Variants in SLC33A1 observed in about 807,000 individuals in gnomAD.
SLC33A1 encodes acetyl-coenzyme A transporter 1.
SLC33A1 carries 20 observed loss-of-function variants against 50.0 expected under a neutral mutation model. The ratio of observed to expected loss-of-function variants is 0.40; its 90% CI spans 0.28 to 0.58. The LOEUF is 0.58. Ranked by LOEUF, SLC33A1 falls within the 20% of genes least tolerant of loss-of-function variation. The pLI is 0.44. For missense variants in SLC33A1, 476 were observed against 657.0 expected, an observed-to-expected ratio of 0.72 and a Z score of 3.01; for synonymous variants, 265 against 251.8, an observed-to-expected ratio of 1.05 and a Z score of -0.50.
chr3:155,840,990 A>AT (rs548494179), intron 2 of SLC33A1, among the ~76,000 whole-genome samples: 3,943 of 151,322 alleles, frequency 0.026, 173 homozygotes, highest in African/African-American at 0.089. Context: ...TCTCAAAAAA[A>AT]ATATATATAT....
rs1409402349 is a variant in SLC33A1, at chr3:155,825,348, T to G, written c.*2862A>C. The G allele has an allele frequency of 6.6e-6, 1 of 150,806 alleles. No individual in the cohort carries two copies. Among genetic ancestry groups the G allele is most frequent in the Non-Finnish European group, 1.5e-5 (1 of 67,794 alleles). The allele number at this position is 150,806 out of a possible 1,614,324, so 9.3% of individuals were successfully genotyped here. On this transcript the variant is annotated 3_prime_UTR_variant, in exon 6 of 6. Transcript: ENST00000643144. ...AAAAAAAAGAAGTCATAAAGACAGG[T>G]TCTTATTATATTGACCAGGTTGGTC...
At chr3:155,852,621 C>A (rs926298363) in intron 1 of SLC33A1, among the ~76,000 whole-genome samples, 16 of 152,196 alleles carry the variant, frequency 1.1e-4, no homozygotes, top group Admixed American at 3.9e-4. Context: ...TATTCAAGAA[C>A]AAAGTCAAAT....
chr3:155,827,456 C>T lies in SLC33A1; in HGVS notation c.*754G>A, dbSNP rs1373569087. The T allele has an allele frequency of 2.0e-5, 3 of 152,012 alleles. No individual in the cohort carries two copies. The highest frequency in any genetic ancestry group is 2.9e-5 in the Non-Finnish European group (2 of 68,022). The allele number at this position is 152,012 out of a possible 1,614,324, so 9.4% of individuals were successfully genotyped here. ...ACTTGTGACAGAAAACATATATAAGCTTAGGGTAAAAGTTTATAAGGAATC... is the reference window on the plus strand; with the variant it reads ...ACTTGTGACAGAAAACATATATAAGTTTAGGGTAAAAGTTTATAAGGAATC... On this transcript the variant is annotated 3_prime_UTR_variant, in exon 6 of 6. Transcript: ENST00000643144.
At chr3:155,846,778 T>C (rs894564827) in intron 1 of SLC33A1, among the ~76,000 whole-genome samples, 1 of 151,960 alleles carries the variant, frequency 6.6e-6, no homozygotes, top group African/African-American at 2.4e-5. Flanking sequence ...ACTGACTACT[T>C]GTATTCCCCC....
Position 155,824,570 on chromosome 3 carries a change from C to T in SLC33A1, c.*3640G>A, listed in dbSNP as rs983072251. ...AAGTTTCAAGTTCAATACAGTATAA[C>T]ATATGCAGAGATTTTATAGTTTTTA... On this transcript the variant is annotated 3_prime_UTR_variant, in exon 6 of 6. Coordinates refer to ENST00000643144, the MANE Select transcript of SLC33A1 (RefSeq NM_004733.4). 1 of 151,972 alleles carries T rather than the reference C, an allele frequency of 6.6e-6. No individual in the cohort carries two copies. Among genetic ancestry groups the T allele is most frequent in the Non-Finnish European group, 1.5e-5 (1 of 67,988 alleles). 9.4% of individuals were successfully genotyped at this position (151,972 alleles called of 1,614,324 possible). A position where few individuals can be genotyped will look rare whatever the true frequency, so the allele number is the denominator to read the frequency against.
Position 155,854,061 on chromosome 3 carries a change from T to G in SLC33A1, c.-64A>C. 7.2e-7 allele frequency: 1 copy of G among 1,384,990 alleles called. No homozygotes were observed. The highest frequency in any genetic ancestry group is 9.7e-7 in the Non-Finnish European group (1 of 1,027,402). The allele number at this position is 1,384,990 out of a possible 1,614,324, so 85.8% of individuals were successfully genotyped here. ...GGCTGAGCGTTTTGGATCCGTCCAG[T>G]CCCAGGTCCAAGGCTGTCGCGCTGG... On this transcript the variant is annotated 5_prime_UTR_variant, in exon 1 of 6. Transcript: ENST00000643144.
chr3:155,832,510 A>G (rs1255642076), intron 4 of SLC33A1, among the ~76,000 whole-genome samples: 1 of 151,858 alleles, frequency 6.6e-6, no homozygotes, highest in Non-Finnish European at 1.5e-5. Context: ...AATCATAAAG[A>G]ATAAGTCAAA....
intron 1 of SLC33A1, among the ~76,000 whole-genome samples, chr3:155,844,316 A>C (rs1560019744): frequency 6.6e-6 from 1 of 151,526 alleles, no homozygotes; most frequent in Non-Finnish European, 1.5e-5. Flanking sequence ...TTAAATATTT[A>C]CCAAAGGTAA....
At position 155,828,039 on chromosome 3, in the gene SLC33A1, A is replaced by T. The variant is rs1387984804; in HGVS notation, c.*171T>A. On this transcript the variant is annotated 3_prime_UTR_variant, in exon 6 of 6. Transcript: ENST00000643144. ...AAATACATTGACAAGGCAAAAAAAA[A>T]ATATGATCAAATATACAGAAAGGTT... is the stretch of plus-strand genomic sequence containing the variant. 6.9e-6 allele frequency: 4 copies of T among 577,330 alleles called. No homozygotes were observed. Among genetic ancestry groups the T allele is most frequent in the African/African-American group, 3.8e-5 (2 of 52,428 alleles). The allele number at this position is 577,330 out of a possible 1,614,324, so 35.8% of individuals were successfully genotyped here.
intron 2 of SLC33A1, among the ~76,000 whole-genome samples, chr3:155,835,851 T>C (rs1047063599): frequency 1.3e-5 from 2 of 152,058 alleles, no homozygotes; most frequent in East Asian, 3.9e-4. Flanking sequence ...CTATTCTCTC[T>C]CTCACCTACT....
rs181887041 is a variant in SLC33A1, at chr3:155,836,991, C to A, written c.964-2950G>T. On this transcript the variant is annotated intron_variant, in intron 2 of 5. Transcript: ENST00000643144. ...AATCACATGAAAAGATGCTCAATTT[C>A]TTTTGTCATTAGGGAAATTCAAATT... Among the ~76,000 whole-genome samples the A allele has an allele frequency of 1.1e-3, 171 of 152,278 alleles. 2 individuals carry two copies. The highest frequency in any genetic ancestry group is 0.011 in the Admixed American group (169 of 15,276).
chr3:155,837,698 C>T (rs1328717534), intron 2 of SLC33A1, among the ~76,000 whole-genome samples: 2 of 151,900 alleles, frequency 1.3e-5, no homozygotes, highest in East Asian at 3.8e-4. Context: ...CAAACTATTG[C>T]TATAAATAAA....
intron 2 of SLC33A1, 38 bp from the exon 3 acceptor site, chr3:155,834,079 CTT>C (rs1474845756): frequency 1.3e-6 from 2 of 1,560,556 alleles, no homozygotes. Flanking sequence ...TAATTCGTGA[CTT>C]ATGAAATATT....
chr3:155,829,742 T>A lies in SLC33A1; in HGVS notation c.1428A>T (p.Val476=). 1 of 1,614,160 alleles carries A rather than the reference T, an allele frequency of 6.2e-7. No individual in the cohort carries two copies. The highest frequency in any genetic ancestry group is 2.2e-5 in the East Asian group (1 of 44,872). ...VALWLVDPLT[V]KECVGASNQN... ...GGTTTGATGCTCCTACACACTCTTT[T>A]ACTGTGAGGGGATCTACAAGCCAAA... is the stretch of plus-strand genomic sequence containing the variant. The change falls in exon 5 of 6, where the codon GTA becomes GTT. Residue 476 remains valine (V), a synonymous_variant. Coordinates refer to ENST00000643144, the MANE Select transcript of SLC33A1 (RefSeq NM_004733.4).
rs1407757470 is a variant in SLC33A1, at chr3:155,826,704, T to A, written c.*1506A>T. 1 of 152,164 alleles carries A rather than the reference T, an allele frequency of 6.6e-6. No individual in the cohort carries two copies. Among genetic ancestry groups the A allele is most frequent in the Non-Finnish European group, 1.5e-5 (1 of 68,040 alleles). The allele number at this position is 152,164 out of a possible 1,614,324, so 9.4% of individuals were successfully genotyped here. A position where few individuals can be genotyped will look rare whatever the true frequency, so the allele number is the denominator to read the frequency against. On this transcript the variant is annotated 3_prime_UTR_variant, in exon 6 of 6. Transcript: ENST00000643144. Reference sequence around the variant, plus strand: ...TCGATGCCCAACACAGGCTTTCCAATGGCAATGCATGAGTTCTAGAGGTCA... The same window carrying A: ...TCGATGCCCAACACAGGCTTTCCAAAGGCAATGCATGAGTTCTAGAGGTCA...
chr3:155,850,488 GTGAT>G (rs10558737), intron 1 of SLC33A1, among the ~76,000 whole-genome samples: 29,770 of 151,910 alleles, frequency 0.2, 7,411 homozygotes, highest in African/African-American at 0.58. Flanking sequence ...TAATGTAAGA[GTGAT>G]TGGTAAAACA....
intron 1 of SLC33A1, among the ~76,000 whole-genome samples, chr3:155,843,781 T>C (rs1753016891): frequency 6.6e-6 from 1 of 152,184 alleles, no homozygotes; most frequent in South Asian, 2.1e-4. Context: ...AGTGGTAAAA[T>C]TGTGATTTCA....
rs190581498 is a variant in SLC33A1 at position 155,840,341 on chromosome 3, G to T, written c.963+2091C>A. Among the ~76,000 whole-genome samples, 246 of 151,946 alleles carry T rather than the reference G, an allele frequency of 1.6e-3. 2 individuals carry two copies. The East Asian group carries it at 0.037, about 23-fold the overall frequency. Reference sequence around the variant, plus strand: ...GGCCTCAAGTGATCAGCCCACCTTGGCCTCCCAAAGTGCTGGGATTAAAGG... The same window carrying T: ...GGCCTCAAGTGATCAGCCCACCTTGTCCTCCCAAAGTGCTGGGATTAAAGG... On this transcript the variant is annotated intron_variant, in intron 2 of 5. Transcript: ENST00000643144.
rs752376934 is a variant in SLC33A1, at chr3:155,829,807, C to T, written c.1363G>A (p.Val455Met). Residue 455 changes from valine (V) to methionine (M), a missense_variant, in exon 5 of 6, where the codon GTG becomes ATG. Transcript: ENST00000643144. Reference protein sequence around the residue: ...GGTYMTLLNTVSNLGGNWPST... With the variant: ...GGTYMTLLNTMSNLGGNWPST... ...GGCCAGTTTCCTCCCAGATTGGACA[C>T]GGTATTTAAAAGGGTCATGTATGTT... 14 of 1,613,670 alleles carry T rather than the reference C, an allele frequency of 8.7e-6. No homozygotes were observed. The highest frequency in any genetic ancestry group is 2.2e-5 in the South Asian group (2 of 91,068).
Sources: allele counts gnomAD v4.1 joint callset (sites outside exome capture counted in the v4.1 genomes callset), GRCh38; gene constraint gnomAD v4.1.1; transcripts MANE v1.5; gene names NCBI Gene and HGNC (gene_info 2026-07-23, HGNC 2026-07-21).